Variants in PCDHGA6 observed in about 807,000 individuals in gnomAD.
PCDHGA6 encodes the protein protocadherin gamma subfamily A, 6.
In PCDHGA6, 41 loss-of-function variants were observed where a neutral mutation model predicts 60.6. The ratio of observed to expected loss-of-function variants is 0.68; its 90% CI spans 0.53 to 0.88. The LOEUF (loss-of-function observed/expected upper bound fraction) is 0.88. Among genes scored for constraint, PCDHGA6 ranks in the 40% least tolerant of loss-of-function variants. The pLI is 0.00. For synonymous variants in PCDHGA6, 594 were observed against 524.4 expected, an observed-to-expected ratio of 1.13 and a Z score of -1.81; for missense variants, 1,312 against 1,203.0, an observed-to-expected ratio of 1.09 and a Z score of -1.34.
intron 1 of PCDHGA6, chr5:141,408,754 T>G: frequency 6.2e-7 from 1 of 1,610,602 alleles, no homozygotes; most frequent in Non-Finnish European, 8.5e-7. Flanking sequence ...TGGTTAGAGT[T>G]AATTCCGATG....
rs911954966 is a variant in PCDHGA6, at chr5:141,491,081, C to G, written c.2425-3726C>G. On this transcript the variant is annotated intron_variant, in intron 1 of 3. Coordinates refer to ENST00000517434, the MANE Select transcript of PCDHGA6 (RefSeq NM_018919.3). This position sits in a 1 kb window ranked among gnomAD's most constrained non-coding sequence, Gnocchi z 6.9. ...TCCTACTCACTGTTGCCACAGTCCACAGCCCCAGGACTGTTCCTCGTGTCT... is the reference window on the plus strand; with the variant it reads ...TCCTACTCACTGTTGCCACAGTCCAGAGCCCCAGGACTGTTCCTCGTGTCT... The G allele has an allele frequency of 4.3e-6, 7 of 1,614,176 alleles. No individual in the cohort carries two copies. Among genetic ancestry groups the G allele is most frequent in the Non-Finnish European group, 5.9e-6 (7 of 1,180,010 alleles).
intron 1 of PCDHGA6, chr5:141,420,333 A>G (rs778366534): frequency 2.1e-6 from 3 of 1,402,720 alleles, no homozygotes; most frequent in Non-Finnish European, 2.9e-6. Flanking sequence ...ATATATTCCA[A>G]TATAGTGGTA....
intron 1 of PCDHGA6, among the ~76,000 whole-genome samples, chr5:141,456,862 C>T (rs1385304686): frequency 6.6e-6 from 1 of 152,086 alleles, no homozygotes; most frequent in Non-Finnish European, 1.5e-5. Context: ...AATTGGGAGG[C>T]TGAGGCAGGA....
At chr5:141,394,493 C>G in intron 1 of PCDHGA6, 1 of 1,614,222 alleles carries the variant, frequency 6.2e-7, no homozygotes, top group Non-Finnish European at 8.5e-7. Flanking sequence ...ACAACGCGCC[C>G]GAGATCCTGT....
intron 1 of PCDHGA6, chr5:141,382,985 G>C (rs769787880): frequency 1.2e-6 from 2 of 1,613,304 alleles, no homozygotes; most frequent in African/African-American, 2.7e-5. Context: ...GCCTGGGCAG[G>C]ACGTATTCTC....
chr5:141,441,671 C>T (rs1027440120), intron 1 of PCDHGA6: 1 of 287,648 alleles, frequency 3.5e-6, no homozygotes, highest in African/African-American at 2.3e-5. Flanking sequence ...GCGCACAGTG[C>T]GCCTTCGACC....
intron 1 of PCDHGA6, among the ~76,000 whole-genome samples, chr5:141,467,305 G>A (rs535466592): frequency 1.3e-5 from 2 of 152,078 alleles, no homozygotes; most frequent in African/African-American, 4.8e-5. Flanking sequence ...CACTCACCTC[G>A]GCCTCCCACA....
Position 141,476,102 on chromosome 5 carries a change from C to G in PCDHGA6, c.2425-18705C>G, listed in dbSNP as rs1488747783. The G allele has an allele frequency of 1.3e-6, 2 of 1,576,940 alleles. No homozygotes were observed. Among genetic ancestry groups the G allele is most frequent in the African/African-American group, 2.7e-5 (2 of 73,926 alleles). ...ACGATCTGGACCCCGCTGAGAGGAA[C>G]TGCTTTTGAGTGAGATGGTCCCAGA... On this transcript the variant is annotated intron_variant, in intron 1 of 3. Transcript: ENST00000517434. The surrounding 1 kb of genome is among the most constrained non-coding windows in gnomAD (Gnocchi z 7.6).
chr5:141,394,761 G>A, intron 1 of PCDHGA6: 1 of 1,613,428 alleles, frequency 6.2e-7, no homozygotes, highest in South Asian at 1.1e-5. Context: ...CCAGGACCAT[G>A]GCCAGCCCCC....
chr5:141,420,176 C>CA (rs1162032152), intron 1 of PCDHGA6: 5 of 1,613,874 alleles, frequency 3.1e-6, no homozygotes, highest in Non-Finnish European at 4.2e-6. Flanking sequence ...ATCTGTTGAT[C>CA]ATTGTCCAGC....
chr5:141,375,164 C>A lies in PCDHGA6; in HGVS notation c.1081C>A (p.Pro361Thr), dbSNP rs374150026. The change falls in exon 1 of 4, where the codon CCT (proline) becomes ACT (threonine). Residue 361 changes from proline to threonine, a missense_variant. Physicochemically the swap from Pro to Thr is conservative, Grantham distance 38. Transcript: ENST00000517434. ...SGSRTIAESAPPGTVIALFQV... is the reference protein window; with the variant it reads ...SGSRTIAESATPGTVIALFQV... ...AAGCAGAACAATTGCTGAAAGTGCA[C>A]CTCCAGGAACAGTAATCGCCCTTTT... 1.9e-6 allele frequency: 3 copies of A among 1,613,840 alleles called. No individual in the cohort carries two copies. The highest frequency in any genetic ancestry group is 1.3e-5 in the African/African-American group (1 of 74,920).
chr5:141,471,017 A>G (rs989277146), intron 1 of PCDHGA6, among the ~76,000 whole-genome samples: 3 of 143,850 alleles, frequency 2.1e-5, no homozygotes, highest in African/African-American at 7.8e-5. Context: ...GTGCCTGGTC[A>G]ATCATTTTTA....
At chr5:141,413,128 CA>C in intron 1 of PCDHGA6, 1 of 1,534,686 alleles carries the variant, frequency 6.5e-7, no homozygotes, top group Non-Finnish European at 8.8e-7. Flanking sequence ...GGTTGAAACA[CA>C]CAACGTGTCC....
intron 1 of PCDHGA6, among the ~76,000 whole-genome samples, chr5:141,450,335 T>A (rs1054670037): frequency 1.3e-5 from 2 of 152,158 alleles, no homozygotes; most frequent in African/African-American, 4.8e-5. Context: ...CTCTTTAATC[T>A]ACTTTAATCT....
intron 1 of PCDHGA6, among the ~76,000 whole-genome samples, chr5:141,445,531 C>A (rs1476079791): frequency 6.6e-6 from 1 of 152,136 alleles, no homozygotes; most frequent in Non-Finnish European, 1.5e-5. Flanking sequence ...TGATAAAAGC[C>A]AACAAGGAGA....
rs1267617024 is a variant in PCDHGA6 at position 141,476,542 on chromosome 5, G to T, written c.2425-18265G>T. The T allele has an allele frequency of 6.2e-7, 1 of 1,614,210 alleles. No individual in the cohort carries two copies. The highest frequency in any genetic ancestry group is 1.7e-5 in the Admixed American group (1 of 60,036). On this transcript the variant is annotated intron_variant, in intron 1 of 3. Transcript: ENST00000517434. This position sits in a 1 kb window ranked among gnomAD's most constrained non-coding sequence, Gnocchi z 7.6. ...CTTTCCCTACCCAGGAAATGAAATT[G>T]GAGATTAGCGAGGCCGTGGCTCCGG...
At chr5:141,433,246 T>C (rs775015156) in intron 1 of PCDHGA6, 1 of 1,462,358 alleles carries the variant, frequency 6.8e-7, no homozygotes, top group Non-Finnish European at 9.3e-7. Flanking sequence ...CAAGCTGGAA[T>C]GCAGCGGTAC....
At chr5:141,499,356 C>A (rs1472104991) in intron 2 of PCDHGA6, among the ~76,000 whole-genome samples, 1 of 152,062 alleles carries the variant, frequency 6.6e-6, no homozygotes, top group Non-Finnish European at 1.5e-5. Context: ...ATTCAACAAA[C>A]AAATAGCAAC....
At position 141,417,952 on chromosome 5, in the gene PCDHGA6, G is replaced by C. The variant is rs766243694; in HGVS notation, c.2424+41445G>C. 10 of 1,613,510 alleles carry C rather than the reference G, an allele frequency of 6.2e-6. No individual in the cohort carries two copies. In the African/African-American group the frequency reaches 1.3e-4, roughly 22 times the overall value. On this transcript the variant is annotated intron_variant, in intron 1 of 3. Coordinates refer to ENST00000517434, the MANE Select transcript of PCDHGA6 (RefSeq NM_018919.3). ...CTTTGTTCTACCCCACGCTGTGTGA[G>C]CCGATCCGCTACTCGATTCCGGAGG...
Sources: allele counts gnomAD v4.1 joint callset (sites outside exome capture counted in the v4.1 genomes callset), GRCh38; gene constraint gnomAD v4.1.1; non-coding constraint Gnocchi (gnomAD v3.1); transcripts MANE v1.5; gene names NCBI Gene and HGNC (gene_info 2026-07-23, HGNC 2026-07-21).